Variants in LSP1 observed in about 807,000 individuals in gnomAD.
LSP1 encodes lymphocyte-specific protein 1.
LSP1 carries 32 observed loss-of-function variants against 49.3 expected under a neutral mutation model. The observed-to-expected ratio is 0.65, with a 90% CI of 0.49 to 0.87. The LOEUF (loss-of-function observed/expected upper bound fraction) is 0.87, where lower values mean the gene tolerates loss of function less well. LSP1 is among the 40% of genes least tolerant of loss of function. LSP1 has a pLI of 0.00. For synonymous variants in LSP1, 179 were observed against 178.8 expected (o/e 1.00, Z -0.01); for missense variants, 428 against 442.6 (o/e 0.97, Z 0.30).
At chr11:1,891,315 C>T (rs910982293) in intron 10 of LSP1, 1 of 151,620 alleles carries the variant, frequency 6.6e-6, no homozygotes, top group African/African-American at 2.4e-5. Flanking sequence ...CAGAGGCTCT[C>T]TGGTTTGGGG....
rs564280823 is a variant in LSP1 at position 1,876,581 on chromosome 11, G to T, written c.54-3506G>T. ...CAGCCACAGGAGCTGCCTGCAGGGG[G>T]CAGAGTCGGGACGGGGACCGAGCCG... On this transcript the variant is annotated intron_variant, in intron 1 of 10. Coordinates refer to ENST00000311604, the MANE Select transcript of LSP1 (RefSeq NM_002339.3). 2.6e-5 allele frequency: 26 copies of T among 985,610 alleles called. No homozygotes were observed. In the African/African-American group the frequency reaches 4.2e-4, roughly 16 times the overall value. 61.1% of individuals were successfully genotyped at this position (985,610 alleles called of 1,614,324 possible).
chr11:1,866,533 C>G lies in LSP1; in HGVS notation c.53+13336C>G, dbSNP rs7929248. On this transcript the variant is annotated intron_variant, in intron 1 of 10. Coordinates refer to ENST00000311604, the MANE Select transcript of LSP1 (RefSeq NM_002339.3). ...TCCGGCTGTCACCTGAGTTCAGGAC[C>G]AGCACCAGGATCTGCAGTGGGCCCC... is the stretch of plus-strand genomic sequence containing the variant. 8.1e-3 allele frequency: 12,447 copies of G among 1,534,326 alleles called. 691 individuals carry two copies. The African/African-American group carries it at 0.14, about 17-fold the overall frequency.
At chr11:1,854,381 T>C (rs1339697229) in intron 1 of LSP1, among the ~76,000 whole-genome samples, 1 of 151,964 alleles carries the variant, frequency 6.6e-6, no homozygotes, top group African/African-American at 2.4e-5. Context: ...AGGGTCCCGG[T>C]CTACCCGACC....
At chr11:1,854,011 G>T (rs1159287691) in intron 1 of LSP1, among the ~76,000 whole-genome samples, 2 of 152,182 alleles carry the variant, frequency 1.3e-5, no homozygotes, top group Non-Finnish European at 2.9e-5. Flanking sequence ...AGGCATCCAG[G>T]CATCACAGCT....
At chr11:1,883,757 G>A (rs2133123317) in intron 4 of LSP1, among the ~76,000 whole-genome samples, 175 bp from the exon 5 acceptor site, 1 of 152,262 alleles carries the variant, frequency 6.6e-6, no homozygotes, top group South Asian at 2.1e-4. Context: ...GCAAGATCCG[G>A]AGACATCTCT....
At position 1,883,498 on chromosome 11, in the gene LSP1, G is replaced by A. The variant is rs751107694; in HGVS notation, c.436G>A (p.Gly146Ser). The part of the protein sequence containing the change: ...EELSLSKEGP[G>S]PEDTVQDNLG... ...GTTGAGTCTGAGCAAGGAGGGGCCA[G>A]GCCCAGAGGACACTGTCCAGGACAA... Residue 146 changes from glycine (G) to serine (S), a missense_variant, in exon 4 of 11, where the codon GGC (glycine) becomes AGC (serine). Coordinates refer to ENST00000311604, the MANE Select transcript of LSP1 (RefSeq NM_002339.3). 26 of 1,613,986 alleles carry A rather than the reference G, an allele frequency of 1.6e-5. No homozygotes were observed. Among genetic ancestry groups the A allele is most frequent in the Non-Finnish European group, 2.1e-5 (25 of 1,179,994 alleles).
Position 1,883,568 on chromosome 11 carries a change from C to A in LSP1, c.498+8C>A. The A allele has an allele frequency of 1.2e-6, 2 of 1,604,972 alleles. No homozygotes were observed. The highest frequency in any genetic ancestry group is 8.5e-7 in the Non-Finnish European group (1 of 1,175,884). On this transcript the variant is annotated splice_region_variant and intron_variant, in intron 4 of 10. Transcript: ENST00000311604. Reference sequence around the variant, plus strand: ...GAGGAGGAACAGGAGGAGGTGATGGCTCCACCTCAGAGGGTCTGGGTGTAC... The same window carrying A: ...GAGGAGGAACAGGAGGAGGTGATGGATCCACCTCAGAGGGTCTGGGTGTAC...
intron 10 of LSP1, 85 bp downstream of exon 10, chr11:1,887,661 A>T: frequency 9.3e-7 from 1 of 1,077,798 alleles, no homozygotes. Flanking sequence ...GGCTGCCTGG[A>T]GCCCTGTTGC....
chr11:1,875,918 C>T (rs1246189731), intron 1 of LSP1, among the ~76,000 whole-genome samples: 1 of 152,242 alleles, frequency 6.6e-6, no homozygotes, highest in African/African-American at 2.4e-5. Flanking sequence ...GACAGCTGGC[C>T]TGTGCCACAC....
chr11:1,879,592 C>T (rs1435321239), intron 1 of LSP1, among the ~76,000 whole-genome samples: 1 of 152,196 alleles, frequency 6.6e-6, no homozygotes, highest in Admixed American at 6.5e-5. Flanking sequence ...ACACGCCCTG[C>T]CTTTGGGGTG....
Position 1,884,706 on chromosome 11 carries a change from C to T in LSP1, c.717+125C>T. The T allele has an allele frequency of 1.3e-6, 1 of 742,494 alleles. No homozygotes were observed. Among genetic ancestry groups the T allele is most frequent in the East Asian group, 2.7e-5 (1 of 37,232 alleles). The allele number at this position is 742,494 out of a possible 1,614,324, so 46.0% of individuals were successfully genotyped here. ...CAACCAACACCCTATCCAACCAATG[C>T]TTCTCCATCCAGTCAGTGCCCCTCT... On this transcript the variant is annotated intron_variant, in intron 7 of 10. Coordinates refer to ENST00000311604, the MANE Select transcript of LSP1 (RefSeq NM_002339.3). The surrounding 1 kb of genome is among the most constrained non-coding windows in gnomAD (Gnocchi z 4.1).
chr11:1,869,097 C>A (rs1589812954), intron 1 of LSP1: 4 of 788,760 alleles, frequency 5.1e-6, no homozygotes, highest in Middle Eastern at 1.3e-3. Flanking sequence ...GGGGCGGGGA[C>A]CATTAGGGAG....
chr11:1,854,664 G>A (rs1847443820), intron 1 of LSP1, among the ~76,000 whole-genome samples: 1 of 152,080 alleles, frequency 6.6e-6, no homozygotes, highest in African/African-American at 2.4e-5. Flanking sequence ...GTCCGTGCCT[G>A]TCCCCAGGGA....
At chr11:1,868,888 C>G (rs1847882169) in intron 1 of LSP1, 1 of 985,900 alleles carries the variant, frequency 1.0e-6, no homozygotes, top group African/African-American at 1.7e-5. Flanking sequence ...CACTCGACCC[C>G]CAGATGCCCC....
At chr11:1,866,593 C>T (rs1254008276) in intron 1 of LSP1, 3 of 1,549,888 alleles carry the variant, frequency 1.9e-6, no homozygotes, top group South Asian at 2.4e-5. Context: ...CTCCCCCTAC[C>T]CCTGGCCCCC....
chr11:1,876,484 C>A, intron 1 of LSP1: 1 of 985,656 alleles, frequency 1.0e-6, no homozygotes, highest in Non-Finnish European at 1.2e-6. Flanking sequence ...CCAGAGCCTC[C>A]TCACTCCCCA....
Position 1,881,543 on chromosome 11 carries a change from G to C in LSP1, c.303G>C (p.Leu101Phe), listed in dbSNP as rs750149067. ...AGCACGAGGGGGCGCAGGGCGCCTT[G>C]GACAGCGGAGAGCCCCCCCAGTGCA... ...RQQHEGAQGA[L>F]DSGEPPQCRS... The change falls in exon 3 of 11, where the codon TTG becomes TTC. Residue 101 changes from leucine (L) to phenylalanine (F), a missense_variant. By Grantham distance (22) the Leu-to-Phe change is conservative. Coordinates refer to ENST00000311604, the MANE Select transcript of LSP1 (RefSeq NM_002339.3). 6.5e-6 allele frequency: 10 copies of C among 1,546,880 alleles called. No individual in the cohort carries two copies. Among genetic ancestry groups the C allele is most frequent in the Non-Finnish European group, 8.7e-6 (10 of 1,144,966 alleles).
At chr11:1,890,023 A>G (rs577152160) in intron 10 of LSP1, 152 of 681,936 alleles carry the variant, frequency 2.2e-4, no homozygotes, top group Admixed American at 6.2e-4. Flanking sequence ...TTGTGTGGGG[A>G]TGGTGCCAGC....
intron 1 of LSP1, among the ~76,000 whole-genome samples, chr11:1,877,019 A>G (rs756916830): frequency 7.9e-5 from 12 of 152,170 alleles, no homozygotes; most frequent in Non-Finnish European, 1.8e-4. Context: ...GAAATCGCCT[A>G]ATTGCATTTG....
Sources: gnomAD v4.1 joint callset for allele counts (sites outside exome capture counted in the v4.1 genomes callset) on GRCh38, gnomAD v4.1.1 for gene constraint, Gnocchi (gnomAD v3.1) non-coding constraint, MANE v1.5 for transcripts, NCBI Gene and HGNC (gene_info 2026-07-23, HGNC 2026-07-21) for gene names.